The following PCNT variants were observed in gnomAD, a reference collection of about 807,000 sequenced individuals.
PCNT encodes the protein pericentrin.
PCNT carries 319 observed loss-of-function variants against 380.4 expected under a neutral mutation model. The ratio of observed to expected loss-of-function variants is 0.84; its 90% confidence interval spans 0.77 to 0.92. The LOEUF (loss-of-function observed/expected upper bound fraction) is 0.92, where lower values mean the gene tolerates loss of function less well. PCNT is among the 40% of genes least tolerant of loss of function. PCNT has a pLI of 0.00. For synonymous variants in PCNT, 1,845 were observed against 1,735.2 expected (o/e 1.06, Z -1.57); for missense variants, 4,400 against 4,255.3 (o/e 1.03, Z -0.95).
At chr21:46,374,603 A>G (rs1202646780) in intron 15 of PCNT, among the ~76,000 whole-genome samples, 8 of 152,174 alleles carry the variant, frequency 5.3e-5, no homozygotes, top group Admixed American at 2.0e-4. Flanking sequence ...TAATCCCAGC[A>G]CTTTGGGAGG....
At position 46,366,799 on chromosome 21, in the gene PCNT, T is replaced by C. The variant is rs2084944860; in HGVS notation, c.2825T>C (p.Leu942Pro). The C allele has an allele frequency of 2.5e-6, 4 of 1,613,786 alleles. No homozygotes were observed. The highest frequency in any genetic ancestry group is 3.4e-6 in the Non-Finnish European group (4 of 1,180,028). ...TTAGAGAGCAAGCAGGGGGCTCTGC[T>C]GGCTGCACGTGTGGCCGAACTGCAG... The part of the protein sequence containing the change: ...ASLESKQGAL[L>P]AARVAELQTK... Residue 942 changes from leucine (L) to proline (P), a missense_variant, in exon 15 of 47, where the codon CTG becomes CCG. By Grantham distance (98) the Leu-to-Pro change is moderately conservative. Coordinates refer to ENST00000359568, the MANE Select transcript of PCNT (RefSeq NM_006031.6).
intron 29 of PCNT, among the ~76,000 whole-genome samples, chr21:46,413,728 C>T (rs2086896797): frequency 6.6e-6 from 1 of 152,228 alleles, no homozygotes; most frequent in Non-Finnish European, 1.5e-5. Context: ...TGAAAGGCCT[C>T]AGATTTATTC....
intron 43 of PCNT, 38 bp from the exon 44 acceptor site, chr21:46,442,459 C>A: frequency 7.7e-7 from 1 of 1,301,018 alleles, no homozygotes; most frequent in Non-Finnish European, 1.1e-6. Flanking sequence ...TCCTGTCTTG[C>A]CGTACTTTTA....
chr21:46,440,951 C>G lies in PCNT; in HGVS notation c.9490C>G (p.Gln3164Glu). 6.2e-7 allele frequency: 1 copy of G among 1,613,388 alleles called. No homozygotes were observed. Among genetic ancestry groups the G allele is most frequent in the Non-Finnish European group, 8.5e-7 (1 of 1,179,336 alleles). The part of the protein sequence containing the change: ...KYLLLLIGGF[Q>E]DSEQETLSMI... ...TCTTTTGCTGTTGATTGGTGGATTC[C>G]AGGATTCTGAACAAGAAACACTCTC... Residue 3164 changes from glutamine to glutamate, a missense_variant, in exon 43 of 47, where the codon CAG (glutamine) becomes GAG (glutamate). Physicochemically the swap from Gln to Glu is conservative, Grantham distance 29 (BLOSUM62 2). Coordinates refer to ENST00000359568, the MANE Select transcript of PCNT (RefSeq NM_006031.6).
rs1158678750 is a variant in PCNT, at chr21:46,347,660, CTTTG to C, written c.1032+152_1032+155del. 68 of 761,300 alleles carry C rather than the reference CTTTG, an allele frequency of 8.9e-5. No individual in the cohort carries two copies. The South Asian group carries it at 9.5e-4, about 11-fold the overall frequency. The allele number at this position is 761,300 out of a possible 1,614,324, so 47.2% of individuals were successfully genotyped here. ...ATGCTGGTTGAAAGTGTATTGCGTT[CTTTG>C]TTTATTTATATCATTTGTATTTGTC... On this transcript the variant is annotated intron_variant, in intron 6 of 46. Coordinates refer to ENST00000359568, the MANE Select transcript of PCNT (RefSeq NM_006031.6).
intron 27 of PCNT, among the ~76,000 whole-genome samples, chr21:46,403,287 C>T (rs2086494359): frequency 7.2e-6 from 1 of 139,578 alleles, no homozygotes. Context: ...GGTGCCCACG[C>T]AGCGCGTGCT....
rs965681714 is a variant in PCNT, at chr21:46,407,236, A to G, written c.5116-3953A>G. On this transcript the variant is annotated intron_variant, in intron 27 of 46. Coordinates refer to ENST00000359568, the MANE Select transcript of PCNT (RefSeq NM_006031.6). ...TTAATTTTCTTTAACAGACTGAGGT[A>G]TTTGGATTTCTGTTTCATGTTGTGA... is the stretch of plus-strand genomic sequence containing the variant. Among the ~76,000 whole-genome samples, 5 of 150,860 alleles carry G rather than the reference A, an allele frequency of 3.3e-5. 1 individual carries two copies. Among genetic ancestry groups the G allele is most frequent in the Non-Finnish European group, 7.4e-5 (5 of 67,848 alleles).
At chr21:46,390,562 T>G (rs1601935697) in intron 19 of PCNT, 108 bp from the exon 20 acceptor site, 3 of 1,196,316 alleles carry the variant, frequency 2.5e-6, no homozygotes, top group Non-Finnish European at 3.7e-6. Context: ...CCTGCCTGGG[T>G]GGTGACGGCC....
At chr21:46,363,352 C>T in intron 13 of PCNT, 128 bp from the exon 14 acceptor site, 1 of 733,068 alleles carries the variant, frequency 1.4e-6, no homozygotes, top group Non-Finnish European at 2.4e-6. Context: ...ATTCCTGTTG[C>T]TGTGTGCAGC....
At chr21:46,420,438 T>G (rs2087204035) in intron 31 of PCNT, 2 of 152,268 alleles carry the variant, frequency 1.3e-5, no homozygotes, top group South Asian at 4.1e-4. Flanking sequence ...GAAATCTTTC[T>G]TATCCTAACT....
intron 15 of PCNT, among the ~76,000 whole-genome samples, chr21:46,372,933 T>C (rs139329065): frequency 6.6e-6 from 1 of 152,368 alleles, no homozygotes; most frequent in Non-Finnish European, 1.5e-5. Context: ...GTCCGTTTTA[T>C]CTGTGCATAG....
chr21:46,402,389 A>C lies in PCNT; in HGVS notation c.5021A>C (p.Glu1674Ala), dbSNP rs370209469. Residue 1674 changes from glutamate to alanine, a missense_variant, in exon 27 of 47, where the codon GAA (glutamate) becomes GCA (alanine). Glu to Ala is a moderately radical substitution (Grantham distance 107). Coordinates refer to ENST00000359568, the MANE Select transcript of PCNT (RefSeq NM_006031.6). ...AAAGGTGACTTAGAAAGTAAAAATG[A>C]AGAAATACTACATCTGAACTTAAAA... ...KMKGDLESKN[E>A]EILHLNLKLD... 2 of 1,612,634 alleles carry C rather than the reference A, an allele frequency of 1.2e-6. No homozygotes were observed. Among genetic ancestry groups the C allele is most frequent in the African/African-American group, 2.7e-5 (2 of 74,916 alleles).
intron 6 of PCNT, 29 bp downstream of exon 6, chr21:46,347,541 C>T (rs766160490): frequency 2.5e-6 from 4 of 1,607,242 alleles, no homozygotes; most frequent in Non-Finnish European, 3.4e-6. Context: ...AAAATGCACG[C>T]CTCTGTGTAT....
In PCNT at chr21:46,442,703, T is replaced by G. The variant is rs2053641422; in HGVS notation, c.9700+130T>G. ...AAGCACGGTAAGAAAATCCGTGAAT[T>G]CCGTCAGAGCAGTCGTCCAGAGGGA... On this transcript the variant is annotated intron_variant, in intron 44 of 46. Coordinates refer to ENST00000359568, the MANE Select transcript of PCNT (RefSeq NM_006031.6). 31 of 731,182 alleles carry G rather than the reference T, an allele frequency of 4.2e-5. No individual in the cohort carries two copies. The South Asian group carries it at 4.4e-4, about 10-fold the overall frequency. The allele number at this position is 731,182 out of a possible 1,614,324, so 45.3% of individuals were successfully genotyped here. A position where few individuals can be genotyped will look rare whatever the true frequency, so the allele number is the denominator to read the frequency against.
At chr21:46,414,392 TCTC>T (rs1352092245) in intron 29 of PCNT, among the ~76,000 whole-genome samples, 1 of 132,482 alleles carries the variant, frequency 7.5e-6, no homozygotes, top group African/African-American at 2.9e-5. Context: ...TTCTCCTCCT[TCTC>T]CTCTGGGACA....
At chr21:46,434,840 C>G (rs1385834085) in intron 38 of PCNT, among the ~76,000 whole-genome samples, 1 of 152,200 alleles carries the variant, frequency 6.6e-6, no homozygotes, top group African/African-American at 2.4e-5. Context: ...GTATGAGCGT[C>G]TGGGCGTGTG....
intron 2 of PCNT, among the ~76,000 whole-genome samples, chr21:46,334,184 GAC>G (rs1011550996): frequency 2.1e-5 from 3 of 143,934 alleles, no homozygotes; most frequent in Admixed American, 7.0e-5. Context: ...CAGCCTGGGC[GAC>G]AGAGCAAGAC....
rs375973172 is a variant in PCNT at position 46,399,875 on chromosome 21, G to T, written c.4791+79G>T. ...GGCTTCATCGCTGAGCTGGCAGGGA[G>T]TGGGCAGGGCGTCCTTCTTCACTGG... On this transcript the variant is annotated intron_variant, in intron 25 of 46. Transcript: ENST00000359568. 8 of 1,254,028 alleles carry T rather than the reference G, an allele frequency of 6.4e-6. No homozygotes were observed. In the East Asian group the frequency reaches 1.4e-4, roughly 22 times the overall value. The allele number at this position is 1,254,028 out of a possible 1,614,324, so 77.7% of individuals were successfully genotyped here.
chr21:46,427,529 C>T (rs2087559027), intron 33 of PCNT, 93 bp from the exon 34 acceptor site: 2 of 1,424,876 alleles, frequency 1.4e-6, no homozygotes, highest in South Asian at 2.3e-5. Flanking sequence ...CTCCCGCAGG[C>T]CCCATCTCCA....
Sources: allele counts gnomAD v4.1 joint callset (sites outside exome capture counted in the v4.1 genomes callset), GRCh38; gene constraint gnomAD v4.1.1; transcripts MANE v1.5; gene names NCBI Gene and HGNC (gene_info 2026-07-23, HGNC 2026-07-21).